Variants in RYR3 observed in about 807,000 individuals in gnomAD.
RYR3 encodes ryanodine receptor 3.
RYR3 carries 207 observed loss-of-function variants against 584.3 expected under a neutral mutation model. That is an observed-to-expected ratio of 0.35 (90% CI 0.32 to 0.40). The LOEUF is 0.40. RYR3 is among the 10% of genes least tolerant of loss of function. RYR3 has a pLI of 1.00. For missense variants in RYR3, 5,616 were observed against 6,089.2 expected, an observed-to-expected ratio of 0.92 and a Z score of 2.59; for synonymous variants, 2,416 against 2,248.5, an observed-to-expected ratio of 1.07 and a Z score of -2.11.
chr15:33,807,743 C>T (rs916434738), intron 70 of RYR3, 174 bp downstream of exon 70: 3 of 662,796 alleles, frequency 4.5e-6, no homozygotes, highest in Non-Finnish European at 7.9e-6. Context: ...GAATGTAGGC[C>T]TACCCACCCT....
At chr15:33,448,636 T>A (rs998909703) in intron 1 of RYR3, among the ~76,000 whole-genome samples, 14 of 152,266 alleles carry the variant, frequency 9.2e-5, no homozygotes, top group African/African-American at 3.1e-4. Context: ...CTTTTGCTGC[T>A]AGACCAAAGG....
chr15:33,543,358 AT>A (rs2055981268), intron 7 of RYR3, among the ~76,000 whole-genome samples: 1 of 152,140 alleles, frequency 6.6e-6, no homozygotes, highest in Admixed American at 6.6e-5. Context: ...AATGATATCA[AT>A]TGGCACACTA....
At chr15:33,650,206 G>A (rs1349037943) in intron 31 of RYR3, among the ~76,000 whole-genome samples, 3 of 152,046 alleles carry the variant, frequency 2.0e-5, no homozygotes, top group South Asian at 2.1e-4. Flanking sequence ...GTGAAACCCC[G>A]TCTCTACTAA....
intron 3 of RYR3, 115 bp from the exon 4 acceptor site, chr15:33,530,477 G>C: frequency 1.4e-6 from 1 of 720,252 alleles, no homozygotes; most frequent in Non-Finnish European, 2.4e-6. Context: ...AATTCCTTAG[G>C]AGCTTTGCAA....
chr15:33,460,064 G>C (rs1466946983), intron 1 of RYR3, among the ~76,000 whole-genome samples: 2 of 152,136 alleles, frequency 1.3e-5, no homozygotes, highest in African/African-American at 4.8e-5. Flanking sequence ...TTTTACTGCA[G>C]TACAGGTGCA....
intron 18 of RYR3, among the ~76,000 whole-genome samples, chr15:33,610,376 T>C (rs563861105): frequency 6.6e-6 from 1 of 152,290 alleles, no homozygotes; most frequent in South Asian, 2.1e-4. Context: ...CCATTATTTA[T>C]CGTATTATTT....
intron 32 of RYR3, among the ~76,000 whole-genome samples, chr15:33,655,610 G>T (rs1384363572): frequency 6.6e-6 from 1 of 152,000 alleles, no homozygotes; most frequent in African/African-American, 2.4e-5. Context: ...CTCCTGGAGA[G>T]CCTTCCTCCA....
At chr15:33,470,940 A>G (rs545766100) in intron 1 of RYR3, among the ~76,000 whole-genome samples, 16 of 152,356 alleles carry the variant, frequency 1.1e-4, no homozygotes, top group Admixed American at 2.0e-4. Flanking sequence ...GAGAAAGTGC[A>G]AACCAGTACA....
At chr15:33,413,902 T>C (rs1041193433) in intron 1 of RYR3, among the ~76,000 whole-genome samples, 34 of 152,270 alleles carry the variant, frequency 2.2e-4, no homozygotes, top group African/African-American at 8.0e-4. Flanking sequence ...GAAAAAGCTC[T>C]TAGTGGCTAT....
chr15:33,581,376 G>A, intron 13 of RYR3, 132 bp from the exon 14 acceptor site: 1 of 875,354 alleles, frequency 1.1e-6, no homozygotes, highest in Non-Finnish European at 1.7e-6. Context: ...AACCCAACTG[G>A]CACCATGAAG....
intron 16 of RYR3, among the ~76,000 whole-genome samples, chr15:33,593,622 G>A (rs1032231094): frequency 2.0e-5 from 3 of 152,018 alleles, no homozygotes; most frequent in African/African-American, 7.2e-5. Flanking sequence ...TTTTAAGAAA[G>A]CACAACTTAG....
chr15:33,598,355 C>G (rs2437138), intron 16 of RYR3, among the ~76,000 whole-genome samples: 61 of 151,256 alleles, frequency 4.0e-4, no homozygotes, highest in Non-Finnish European at 1.8e-4. Context: ...AGCCTTTTAA[C>G]TAAGCTGACT....
At chr15:33,794,400 T>C (rs925155412) in intron 67 of RYR3, among the ~76,000 whole-genome samples, 27 of 148,752 alleles carry the variant, frequency 1.8e-4, no homozygotes, top group Non-Finnish European at 2.7e-4. Context: ...TGGGAAATTG[T>C]ACTCATTTTC....
intron 1 of RYR3, among the ~76,000 whole-genome samples, chr15:33,449,547 T>TG (rs11423855): frequency 0.023 from 3,430 of 152,224 alleles, 127 homozygotes; most frequent in African/African-American, 0.076. Flanking sequence ...ATAGTGTGAA[T>TG]GGGGGGCAGA....
chr15:33,850,457 C>A (rs1352337674), intron 94 of RYR3: 1 of 151,770 alleles, frequency 6.6e-6, no homozygotes, highest in African/African-American at 2.4e-5. Context: ...ACTAAAATGT[C>A]CTAACAAAGG....
At chr15:33,461,355 A>G (rs1031680070) in intron 1 of RYR3, among the ~76,000 whole-genome samples, 11 of 152,196 alleles carry the variant, frequency 7.2e-5, no homozygotes, top group Admixed American at 5.9e-4. Context: ...GCTTCACTCC[A>G]GTTTCACGGG....
rs527469861 is a variant in RYR3 at position 33,609,239 on chromosome 15, T to A, written c.2165-3944T>A. Among the ~76,000 whole-genome samples, 4 of 152,372 alleles carry A rather than the reference T, an allele frequency of 2.6e-5. No homozygotes were observed. The East Asian group carries it at 5.8e-4, about 22-fold the overall frequency. ...TGTCCAGTGTAGCATTTCAATTATTTCCTGGTCTTCCTCAGTTCACAAATA... is the reference window on the plus strand; with the variant it reads ...TGTCCAGTGTAGCATTTCAATTATTACCTGGTCTTCCTCAGTTCACAAATA... On this transcript the variant is annotated intron_variant, in intron 18 of 103. Coordinates refer to ENST00000634891, the MANE Select transcript of RYR3 (RefSeq NM_001036.6).
chr15:33,535,938 C>T (rs1290653400), intron 5 of RYR3, among the ~76,000 whole-genome samples: 1 of 152,164 alleles, frequency 6.6e-6, no homozygotes, highest in African/African-American at 2.4e-5. Flanking sequence ...TTCATGAAAA[C>T]CTAGAGCCTA....
At chr15:33,680,571 G>A (rs534346803) in intron 38 of RYR3, among the ~76,000 whole-genome samples, 1 of 152,338 alleles carries the variant, frequency 6.6e-6, no homozygotes, top group East Asian at 1.9e-4. Flanking sequence ...TGCAAGCAAG[G>A]ATCCCGAGAT....
Sources: gnomAD v4.1 joint callset for allele counts (sites outside exome capture counted in the v4.1 genomes callset) on GRCh38, gnomAD v4.1.1 for gene constraint, MANE v1.5 for transcripts, NCBI Gene and HGNC (gene_info 2026-07-23, HGNC 2026-07-21) for gene names.